MAF: variants seen among roughly 807,000 people sequenced by gnomAD.
MAF encodes the protein MAF bZIP transcription factor.
A neutral mutation model predicts 22.0 loss-of-function variants in MAF; 10 were observed. The observed-to-expected ratio is 0.45, with a 90% CI of 0.28 to 0.77. The LOEUF is 0.77. MAF is among the 30% of genes least tolerant of loss of function. The pLI is 0.12. For synonymous variants in MAF, 337 were observed against 255.8 expected (o/e 1.32, Z -3.03); for missense variants, 544 against 548.4 (o/e 0.99, Z 0.08).
the MAF span, among the ~76,000 whole-genome samples, chr16:79,515,097 G>A: frequency 1.3e-5 from 2 of 152,156 alleles, no homozygotes; most frequent in Non-Finnish European, 2.9e-5. Flanking sequence ...ACCTCATCCA[G>A]GTGTAAGGAT....
the MAF span, among the ~76,000 whole-genome samples, chr16:79,548,754 T>C: frequency 1.3e-5 from 2 of 152,138 alleles, no homozygotes; most frequent in East Asian, 3.9e-4. Context: ...CCCACCATAC[T>C]CATGGACTCA....
the MAF span, among the ~76,000 whole-genome samples, chr16:79,525,386 G>C: frequency 6.6e-6 from 1 of 152,244 alleles, no homozygotes; most frequent in Non-Finnish European, 1.5e-5. Flanking sequence ...CCATGCGCTC[G>C]GAGGGGACAG....
At chr16:79,234,086 C>T in the MAF span, among the ~76,000 whole-genome samples, 3 of 152,092 alleles carry the variant, frequency 2.0e-5, no homozygotes, top group South Asian at 2.1e-4. Flanking sequence ...ATCCTGAACC[C>T]GCCCACCCTC....
chr16:79,476,424 T>G, the MAF span, among the ~76,000 whole-genome samples: 1 of 152,248 alleles, frequency 6.6e-6, no homozygotes, highest in African/African-American at 2.4e-5. Flanking sequence ...TACATATGTT[T>G]AAATTTTTCT....
the MAF span, among the ~76,000 whole-genome samples, chr16:79,280,036 T>C: frequency 2.0e-5 from 3 of 152,324 alleles, no homozygotes; most frequent in African/African-American, 7.2e-5. Flanking sequence ...AGCAGAGTGA[T>C]TCTTCTGATG....
chr16:79,327,721 T>C, the MAF span, among the ~76,000 whole-genome samples: 1 of 152,244 alleles, frequency 6.6e-6, no homozygotes. Flanking sequence ...TCGCAGGGAC[T>C]GTGCCACAAG....
chr16:79,454,751 C>G, the MAF span, among the ~76,000 whole-genome samples: 3 of 151,566 alleles, frequency 2.0e-5, no homozygotes, highest in Non-Finnish European at 2.9e-5. Flanking sequence ...AGAGGCTGAT[C>G]ACATTCATGA....
At chr16:79,408,702 TTCTC>T in the MAF span, among the ~76,000 whole-genome samples, 1 of 151,732 alleles carries the variant, frequency 6.6e-6, no homozygotes, top group Admixed American at 6.6e-5. Context: ...CTCCATCCCT[TTCTC>T]TCTCCTCCAC....
the MAF span, among the ~76,000 whole-genome samples, chr16:79,492,151 C>T: frequency 1.7e-3 from 253 of 152,238 alleles, no homozygotes; most frequent in Non-Finnish European, 2.3e-3. Flanking sequence ...AGTTGAGGAC[C>T]GGGTGCCTAA....
chr16:79,260,126 A>C, the MAF span, among the ~76,000 whole-genome samples: 1 of 152,042 alleles, frequency 6.6e-6, no homozygotes, highest in Non-Finnish European at 1.5e-5. Context: ...AACTCCATAC[A>C]CTTGACTCAT....
At chr16:79,512,688 T>A in the MAF span, among the ~76,000 whole-genome samples, 1 of 152,122 alleles carries the variant, frequency 6.6e-6, no homozygotes, top group Admixed American at 6.5e-5. Context: ...CATATTCAAA[T>A]GTGAAGAAAA....
At chr16:79,522,951 G>A in the MAF span, among the ~76,000 whole-genome samples, 21 of 152,264 alleles carry the variant, frequency 1.4e-4, no homozygotes, top group African/African-American at 4.8e-4. Context: ...GAGACATGAT[G>A]TCTTTCCACC....
the MAF span, among the ~76,000 whole-genome samples, chr16:79,278,952 G>T: frequency 6.6e-6 from 1 of 152,182 alleles, no homozygotes; most frequent in South Asian, 2.1e-4. Context: ...GCTGGAGGAG[G>T]AGGAATTCAG....
At position 79,594,712 on chromosome 16, in the gene MAF, GA is replaced by G. The variant is rs36052284; in HGVS notation, c.1119-160del. 3.9e-4 allele frequency: 510 copies of G among 1,310,120 alleles called. 1 individual carries two copies. The highest frequency in any genetic ancestry group is 1.2e-3 in the African/African-American group (80 of 65,158). 81.2% of individuals were successfully genotyped at this position (1,310,120 alleles called of 1,614,324 possible). A position where few individuals can be genotyped will look rare whatever the true frequency, so the allele number is the denominator to read the frequency against. ...CTCAGGATTTAGGAGTTCTTTGTAA[GA>G]AAAAAAAAACATGTATTTGTTTGCT... On this transcript the variant is annotated intron_variant, in intron 1 of 1. Coordinates refer to ENST00000326043, the MANE Select transcript of MAF (RefSeq NM_005360.5).
the MAF span, among the ~76,000 whole-genome samples, chr16:79,552,014 C>T: frequency 1.3e-5 from 2 of 152,094 alleles, no homozygotes; most frequent in Non-Finnish European, 2.9e-5. Flanking sequence ...GGAAGATACT[C>T]CTTCAAAATG....
At chr16:79,440,585 G>A in the MAF span, among the ~76,000 whole-genome samples, 16 of 152,092 alleles carry the variant, frequency 1.1e-4, no homozygotes, top group Non-Finnish European at 2.1e-4. Context: ...ACAGGTATGC[G>A]CCACCATGCC....
In MAF at chr16:79,593,988, G is replaced by A. The variant is rs550218344; in HGVS notation, c.*472C>T. On this transcript the variant is annotated 3_prime_UTR_variant, in exon 2 of 2. Transcript: ENST00000326043. ...CTCGGCTCCGCTGGAGCCTCTGCCC[G>A]TGGATTTGTTTAGGGAAGGGGAGTC... 4.0e-4 allele frequency: 85 copies of A among 214,852 alleles called. No individual in the cohort carries two copies. The highest frequency in any genetic ancestry group is 1.8e-3 in the African/African-American group (80 of 43,874). The allele number at this position is 214,852 out of a possible 1,614,324, so 13.3% of individuals were successfully genotyped here. A position where few individuals can be genotyped will look rare whatever the true frequency, so the allele number is the denominator to read the frequency against.
At chr16:79,569,484 T>C in the MAF span, among the ~76,000 whole-genome samples, 2 of 152,238 alleles carry the variant, frequency 1.3e-5, no homozygotes, top group East Asian at 3.9e-4. Flanking sequence ...GCAGAGGTTC[T>C]CAAGTGCTCA....
At chr16:79,351,336 G>C in the MAF span, among the ~76,000 whole-genome samples, 1 of 152,164 alleles carries the variant, frequency 6.6e-6, no homozygotes. Context: ...AAGGCCTCCT[G>C]CTTTGGTGTT....
Sources: gnomAD v4.1 joint callset for allele counts (sites outside exome capture counted in the v4.1 genomes callset) on GRCh38, gnomAD v4.1.1 for gene constraint, MANE v1.5 for transcripts, NCBI Gene and HGNC (gene_info 2026-07-23, HGNC 2026-07-21) for gene names.